The following AMDHD2 variants were observed in gnomAD, a reference collection of about 807,000 sequenced individuals.
AMDHD2 encodes the protein amidohydrolase domain containing 2, also known as N-acetylglucosamine-6-phosphate deacetylase.
Under a neutral mutation model 41.8 loss-of-function variants are expected in AMDHD2, and 24 were observed. The observed-to-expected ratio is 0.57, with a 90% CI of 0.42 to 0.81. The LOEUF (loss-of-function observed/expected upper bound fraction) is 0.81. AMDHD2 is among the 30% of genes least tolerant of loss of function. The probability of loss-of-function intolerance (pLI) is 0.00; values close to 1 mark genes in which losing one functional copy is unlikely to be tolerated. For missense variants in AMDHD2, 540 were observed against 588.5 expected, an observed-to-expected ratio of 0.92 and a Z score of 0.85; for synonymous variants, 332 against 255.5, an observed-to-expected ratio of 1.30 and a Z score of -2.85.
rs764900825 is a variant in AMDHD2, at chr16:2,531,058, T to G, written c.*1495T>G. The G allele has an allele frequency of 1.3e-6, 2 of 1,593,136 alleles. No homozygotes were observed. Among genetic ancestry groups the G allele is most frequent in the South Asian group, 1.1e-5 (1 of 89,438 alleles). ...CTGTGCCCAGCTTGCTGGCTGTCAG[T>G]GCTTGATGTGCCCATCCTCAGCTAA... is the stretch of plus-strand genomic sequence containing the variant. On this transcript the variant is annotated 3_prime_UTR_variant, in exon 11 of 11. Transcript: ENST00000293971.
chr16:2,523,984 G>A (rs1192058374), intron 3 of AMDHD2, among the ~76,000 whole-genome samples: 2 of 152,244 alleles, frequency 1.3e-5, no homozygotes, highest in Non-Finnish European at 2.9e-5. Context: ...CTTAGGAAGA[G>A]TCTCTGACAA....
rs180986642 is a variant in AMDHD2 at position 2,522,681 on chromosome 16, A to T, written c.360+1558A>T. Among the ~76,000 whole-genome samples, 130 of 152,050 alleles carry T rather than the reference A, an allele frequency of 8.5e-4. 1 individual carries two copies. The highest frequency in any genetic ancestry group is 1.4e-3 in the Non-Finnish European group (95 of 67,978). On this transcript the variant is annotated intron_variant, in intron 3 of 10. Coordinates refer to ENST00000293971, the MANE Select transcript of AMDHD2 (RefSeq NM_001330449.2). ...AACAGATCGAGACTCCATCTCAAAA[A>T]AAAAAAGTTTTTTGTAGAGACAGGG...
Position 2,529,807 on chromosome 16 carries a change from CG to C in AMDHD2, c.*246del. The C allele has an allele frequency of 7.0e-7, 1 of 1,427,398 alleles. No individual in the cohort carries two copies. Among genetic ancestry groups the C allele is most frequent in the Non-Finnish European group, 9.1e-7 (1 of 1,094,260 alleles). The allele number at this position is 1,427,398 out of a possible 1,614,324, so 88.4% of individuals were successfully genotyped here. A position where few individuals can be genotyped will look rare whatever the true frequency, so the allele number is the denominator to read the frequency against. Reference sequence around the variant, plus strand: ...GTTGCCCTCCTGGAGAAGGCATTCACGGCCTGGGGTGGGATGGCTGGGCTGT... The same window carrying C: ...GTTGCCCTCCTGGAGAAGGCATTCACGCCTGGGGTGGGATGGCTGGGCTGT... On this transcript the variant is annotated 3_prime_UTR_variant, in exon 11 of 11. Transcript: ENST00000293971.
chr16:2,527,895 A>G lies in AMDHD2; in HGVS notation c.538A>G (p.Asn180Asp). The change falls in exon 5 of 11, where the codon AAT becomes GAT. Residue 180 changes from asparagine (N) to aspartate (D), a missense_variant. Transcript: ENST00000293971. This position sits in a 1 kb window ranked among gnomAD's most constrained non-coding sequence, Gnocchi z 6.1. ...GCTGGCCACCTACGGGCCCCTGGAC[A>G]ATGTCCGCATCGTGACGCTGGCCCC... ...DLLATYGPLD[N>D]VRIVTLAPEL... is the part of the protein sequence containing the mutation. 3 of 1,596,402 alleles carry G rather than the reference A, an allele frequency of 1.9e-6. 1 individual carries two copies. Among genetic ancestry groups the G allele is most frequent in the South Asian group, 2.2e-5 (2 of 90,742 alleles).
rs2066021199 is a variant in AMDHD2, at chr16:2,527,677, C to A, written c.415+62C>A. 6.4e-7 allele frequency: 1 copy of A among 1,569,710 alleles called. No homozygotes were observed. Among genetic ancestry groups the A allele is most frequent in the Non-Finnish European group, 8.7e-7 (1 of 1,155,890 alleles). On this transcript the variant is annotated intron_variant, in intron 4 of 10. Coordinates refer to ENST00000293971, the MANE Select transcript of AMDHD2 (RefSeq NM_001330449.2). The surrounding 1 kb of genome is among the most constrained non-coding windows in gnomAD (Gnocchi z 6.1). ...AGGCTCCTGCGGGACCTGTTGGCAGCCCCCACCCCTCCAGATGCCCAGCTG... is the reference window on the plus strand; with the variant it reads ...AGGCTCCTGCGGGACCTGTTGGCAGACCCCACCCCTCCAGATGCCCAGCTG...
intron 3 of AMDHD2, 81 bp downstream of exon 3, chr16:2,521,204 C>T: frequency 7.1e-7 from 1 of 1,418,204 alleles, no homozygotes; most frequent in Non-Finnish European, 9.3e-7. Context: ...CGCCCCACCC[C>T]CCACCCCCAG....
Position 2,529,468 on chromosome 16 carries a change from G to A in AMDHD2, c.1142-7G>A, listed in dbSNP as rs766488812. On this transcript the variant is annotated splice_polypyrimidine_tract_variant and splice_region_variant and intron_variant, in intron 10 of 10. Coordinates refer to ENST00000293971, the MANE Select transcript of AMDHD2 (RefSeq NM_001330449.2). ...TGCCCCCTACTCATTGCCCGGCTCT[G>A]TCCCAGACTTCGTGGTGCTCGACGA... is the stretch of plus-strand genomic sequence containing the variant. 1.2e-6 allele frequency: 2 copies of A among 1,609,592 alleles called. No homozygotes were observed. Among genetic ancestry groups the A allele is most frequent in the Non-Finnish European group, 1.7e-6 (2 of 1,179,936 alleles).
Position 2,528,699 on chromosome 16 carries a change from G to A in AMDHD2, c.1020G>A (p.Arg340=). The change falls in exon 9 of 11, where the codon CGG becomes CGA. Residue 340 remains arginine (R), a synonymous_variant. Transcript: ENST00000293971. ...GSIAPMDVCV[R]HFLQATGCSM... is the part of the protein sequence containing the mutation. ...TAGCCCCAATGGACGTCTGTGTCCG[G>A]CACTTCCTGCAGGCCACAGGTCAGT... is the stretch of plus-strand genomic sequence containing the variant. 6.2e-7 allele frequency: 1 copy of A among 1,612,686 alleles called. No homozygotes were observed. Among genetic ancestry groups the A allele is most frequent in the Non-Finnish European group, 8.5e-7 (1 of 1,179,908 alleles).
Position 2,527,171 on chromosome 16 carries a change from C to T in AMDHD2, c.361-390C>T, listed in dbSNP as rs891602951. ...CGGTCTTCCTGATGGCGTCCAGCTC[C>T]GGCCATGGTGTGGACCACACACAGT... On this transcript the variant is annotated intron_variant, in intron 3 of 10. Coordinates refer to ENST00000293971, the MANE Select transcript of AMDHD2 (RefSeq NM_001330449.2). The surrounding 1 kb of genome is among the most constrained non-coding windows in gnomAD (Gnocchi z 6.1). The T allele has an allele frequency of 1.1e-5, 3 of 264,706 alleles. No homozygotes were observed. Among genetic ancestry groups the T allele is most frequent in the African/African-American group, 2.3e-5 (1 of 43,854 alleles). The allele number at this position is 264,706 out of a possible 1,614,324, so 16.4% of individuals were successfully genotyped here.
intron 8 of AMDHD2, 32 bp from the exon 9 acceptor site, chr16:2,528,618 C>G (rs142686134): frequency 1.5e-5 from 24 of 1,612,646 alleles, no homozygotes; most frequent in Non-Finnish European, 1.9e-5. Flanking sequence ...TGGCCCACGA[C>G]CCCCCCAGAG....
intron 3 of AMDHD2, among the ~76,000 whole-genome samples, chr16:2,524,024 C>G (rs183938187): frequency 6.6e-6 from 1 of 152,230 alleles, no homozygotes; most frequent in Non-Finnish European, 1.5e-5. Flanking sequence ...CCAGCATGCA[C>G]TGCAGTGCAG....
chr16:2,521,816 C>T (rs1406744869), intron 3 of AMDHD2, among the ~76,000 whole-genome samples: 2 of 137,872 alleles, frequency 1.5e-5, no homozygotes, highest in African/African-American at 2.8e-5. Flanking sequence ...CGGAGTCTCG[C>T]TCTGTCGCCC....
rs1301203064 is a variant in AMDHD2, at chr16:2,520,833, C to T, written c.148C>T (p.Arg50Cys). The change falls in exon 2 of 11, where the codon CGC (arginine) becomes TGC (cysteine). Residue 50 changes from arginine (R) to cysteine (C), a missense_variant. Transcript: ENST00000293971. The part of the protein sequence containing the change: ...DPEKLFFEER[R>C]VADERRDCGG... ...AGAGAAGCTGTTCTTTGAGGAGCGG[C>T]GCGTGGCCGACGAGCGGCGGGACTG... is the stretch of plus-strand genomic sequence containing the variant. 5 of 1,611,718 alleles carry T rather than the reference C, an allele frequency of 3.1e-6. No individual in the cohort carries two copies. The highest frequency in any genetic ancestry group is 4.2e-6 in the Non-Finnish European group (5 of 1,179,344).
intron 3 of AMDHD2, among the ~76,000 whole-genome samples, chr16:2,521,778 T>G (rs1184908906): frequency 3.4e-5 from 5 of 145,524 alleles, no homozygotes; most frequent in African/African-American, 1.3e-4. Flanking sequence ...TTTTTTTTGT[T>G]TAGTTTTTTT....
intron 3 of AMDHD2, among the ~76,000 whole-genome samples, chr16:2,521,632 T>A (rs2065938570): frequency 6.6e-6 from 1 of 152,190 alleles, no homozygotes; most frequent in African/African-American, 2.4e-5. Context: ...TGGTCTTTTT[T>A]TATTTTAATT....
At position 2,529,034 on chromosome 16, in the gene AMDHD2, C is replaced by T. The variant is rs1221780409; in HGVS notation, c.1080C>T (p.His360=). 1.3e-6 allele frequency: 2 copies of T among 1,597,480 alleles called. No individual in the cohort carries two copies. The highest frequency in any genetic ancestry group is 1.7e-6 in the Non-Finnish European group (2 of 1,172,846). The change falls in exon 10 of 11, where the codon CAC becomes CAT. Residue 360 remains histidine, a synonymous_variant. Transcript: ENST00000293971. ...MESALEAASL[H]PAQLLGLEKS... Reference sequence around the variant, plus strand: ...CGGCCCTGGAGGCTGCATCCCTGCACCCCGCCCAGTTGCTGGGGCTGGAGA... The same window carrying T: ...CGGCCCTGGAGGCTGCATCCCTGCATCCCGCCCAGTTGCTGGGGCTGGAGA...
chr16:2,521,050 G>A lies in AMDHD2; in HGVS notation c.287G>A (p.Arg96Gln), dbSNP rs751519666. The A allele has an allele frequency of 1.9e-6, 3 of 1,611,038 alleles. No homozygotes were observed. The highest frequency in any genetic ancestry group is 1.3e-5 in the African/African-American group (1 of 74,850). ...DVGSGVALVARRILSHGVTSF... is the reference protein window; with the variant it reads ...DVGSGVALVAQRILSHGVTSF... ...GGTTCGGGGGTTGCCCTCGTGGCCC[G>A]GAGGATCCTGTCGCACGGCGTCACC... is the stretch of plus-strand genomic sequence containing the variant. Residue 96 changes from arginine to glutamine, a missense_variant, in exon 3 of 11, where the codon CGG (arginine) becomes CAG (glutamine). By Grantham distance (43) the Arg-to-Gln change is conservative. Coordinates refer to ENST00000293971, the MANE Select transcript of AMDHD2 (RefSeq NM_001330449.2).
chr16:2,527,226 T>C lies in AMDHD2; in HGVS notation c.361-335T>C, dbSNP rs2066015190. On this transcript the variant is annotated intron_variant, in intron 3 of 10. Coordinates refer to ENST00000293971, the MANE Select transcript of AMDHD2 (RefSeq NM_001330449.2). The surrounding 1 kb of genome is among the most constrained non-coding windows in gnomAD (Gnocchi z 6.1). ...AGCCCTGGCCATGCCCACACTGAGC[T>C]CTGCCCCAGGGTCCCTGCTGCTCCC... 3 of 437,242 alleles carry C rather than the reference T, an allele frequency of 6.9e-6. No individual in the cohort carries two copies. The highest frequency in any genetic ancestry group is 1.2e-5 in the Non-Finnish European group (3 of 244,672). 27.1% of individuals were successfully genotyped at this position (437,242 alleles called of 1,614,324 possible).
At chr16:2,520,584 G>A in intron 1 of AMDHD2, 43 bp downstream of exon 1, 1 of 1,197,980 alleles carries the variant, frequency 8.3e-7, no homozygotes. Flanking sequence ...ACCGGGCGGG[G>A]TGCAGGGTGC....
Sources: gnomAD v4.1 joint callset for allele counts (sites outside exome capture counted in the v4.1 genomes callset) on GRCh38, gnomAD v4.1.1 for gene constraint, Gnocchi (gnomAD v3.1) non-coding constraint, MANE v1.5 for transcripts, NCBI Gene and HGNC (gene_info 2026-07-23, HGNC 2026-07-21) for gene names.